The following SULT2B1 variants were observed in gnomAD, a reference collection of about 807,000 sequenced individuals.
The protein encoded by SULT2B1 is sulfotransferase 2B1.
SULT2B1 carries 16 observed loss-of-function variants against 33.2 expected under a neutral mutation model. The ratio of observed to expected loss-of-function variants is 0.48; its 90% confidence interval spans 0.33 to 0.73. SULT2B1 has a LOEUF of 0.73. Among genes scored for constraint, SULT2B1 ranks in the 30% least tolerant of loss-of-function variants. The probability of loss-of-function intolerance (pLI) is 0.02; values close to 1 mark genes in which losing one functional copy is unlikely to be tolerated. For synonymous variants in SULT2B1, 186 were observed against 200.5 expected, an observed-to-expected ratio of 0.93 and a Z score of 0.61; for missense variants, 500 against 506.0, an observed-to-expected ratio of 0.99 and a Z score of 0.11.
rs1257493879 is a variant in SULT2B1 at position 48,552,900 on chromosome 19, T to C, written c.71+577T>C. 1.3e-5 allele frequency among the ~76,000 whole-genome samples: 2 copies of C among 152,122 alleles called. No individual in the cohort carries two copies. The highest frequency in any genetic ancestry group is 2.9e-5 in the Non-Finnish European group (2 of 68,022). On this transcript the variant is annotated intron_variant, in intron 1 of 6. Coordinates refer to ENST00000201586, the MANE Select transcript of SULT2B1 (RefSeq NM_177973.2). The surrounding 1 kb of genome is among the most constrained non-coding windows in gnomAD (Gnocchi z 4.8). Reference sequence around the variant, plus strand: ...TCCATGAGCTCAGCGTGACTCCCTCTTCCTGGGGATGAGTCAGACACTTTG... The same window carrying C: ...TCCATGAGCTCAGCGTGACTCCCTCCTCCTGGGGATGAGTCAGACACTTTG...
At chr19:48,583,431 AG>A (rs1165609767) in intron 2 of SULT2B1, among the ~76,000 whole-genome samples, 3 of 152,232 alleles carry the variant, frequency 2.0e-5, no homozygotes, top group Non-Finnish European at 4.4e-5. Context: ...AATGACCAAA[AG>A]CTGAAACTAT....
chr19:48,576,698 G>A (rs1294036432), intron 2 of SULT2B1, among the ~76,000 whole-genome samples: 1 of 142,532 alleles, frequency 7.0e-6, no homozygotes. Context: ...TCAGTGTGAT[G>A]GTACAATCTC....
chr19:48,555,488 T>TTCTCTCTCTC (rs982985959), intron 1 of SULT2B1, among the ~76,000 whole-genome samples: 7 of 144,254 alleles, frequency 4.9e-5, no homozygotes, highest in African/African-American at 1.8e-4. Flanking sequence ...CAGAGACATC[T>TTCTCTCTCTC]TCTCTCTCTC....
At chr19:48,585,858 CAGTGAAA>C (rs1042343672) in intron 2 of SULT2B1, among the ~76,000 whole-genome samples, 5 of 152,060 alleles carry the variant, frequency 3.3e-5, no homozygotes, top group South Asian at 4.1e-4. Flanking sequence ...CAAAAGTGGG[CAGTGAAA>C]AGTGAAAAGA....
chr19:48,596,717 G>A, intron 5 of SULT2B1, 22 bp from the exon 6 acceptor site: 1 of 1,583,058 alleles, frequency 6.3e-7, no homozygotes, highest in Non-Finnish European at 8.5e-7. Context: ...TCCCTCCGCT[G>A]ACCCCTCTCC....
intron 6 of SULT2B1, among the ~76,000 whole-genome samples, chr19:48,598,041 T>C (rs1227865437): frequency 6.6e-6 from 1 of 152,032 alleles, no homozygotes. Flanking sequence ...CTCCAGATCT[T>C]TAGCTTAATC....
intron 3 of SULT2B1, among the ~76,000 whole-genome samples, chr19:48,589,372 G>C (rs1973613570): frequency 6.6e-6 from 1 of 152,160 alleles, no homozygotes; most frequent in African/African-American, 2.4e-5. Flanking sequence ...CCCATCCCAC[G>C]TCCAGCAGAG....
At chr19:48,570,396 C>G (rs1380107566) in intron 1 of SULT2B1, among the ~76,000 whole-genome samples, 3 of 152,116 alleles carry the variant, frequency 2.0e-5, no homozygotes, top group Non-Finnish European at 4.4e-5. Context: ...CCAGGCTGGT[C>G]TCAAACTCCT....
chr19:48,553,783 G>A (rs1334007537), intron 1 of SULT2B1, among the ~76,000 whole-genome samples: 1 of 152,226 alleles, frequency 6.6e-6, no homozygotes, highest in East Asian at 1.9e-4. Context: ...CCTGGGCTGA[G>A]AGCTGTGACC....
chr19:48,569,995 C>A (rs1973298798), intron 1 of SULT2B1, among the ~76,000 whole-genome samples: 1 of 152,000 alleles, frequency 6.6e-6, no homozygotes, highest in Non-Finnish European at 1.5e-5. Flanking sequence ...GTCCGTTTGG[C>A]CATTTGTGGA....
Position 48,575,099 on chromosome 19 carries a change from C to A in SULT2B1, c.72-842C>A, listed in dbSNP as rs1174014922. 6.5e-5 allele frequency among the ~76,000 whole-genome samples: 8 copies of A among 122,448 alleles called. 1 individual carries two copies. The South Asian group carries it at 2.1e-3, about 32-fold the overall frequency. 80.3% of individuals were successfully genotyped at this position (122,448 alleles called of 152,430 possible). A position where few individuals can be genotyped will look rare whatever the true frequency, so the allele number is the denominator to read the frequency against. Reference sequence around the variant, plus strand: ...GACTATGAGCTACTCTCTGTTTTAACCTTTTTTTTTTTTTTTTTTTTTTTT... The same window carrying A: ...GACTATGAGCTACTCTCTGTTTTAAACTTTTTTTTTTTTTTTTTTTTTTTT... On this transcript the variant is annotated intron_variant, in intron 1 of 6. Coordinates refer to ENST00000201586, the MANE Select transcript of SULT2B1 (RefSeq NM_177973.2).
chr19:48,579,781 A>G (rs1261151220), intron 2 of SULT2B1, among the ~76,000 whole-genome samples: 1 of 149,612 alleles, frequency 6.7e-6, no homozygotes, highest in East Asian at 2.0e-4. Flanking sequence ...TAATTTTTGT[A>G]TTTTTAGTAG....
In SULT2B1 at chr19:48,587,283, C is replaced by T; in HGVS notation, c.269C>T (p.Ser90Phe). 6.2e-7 allele frequency: 1 copy of T among 1,613,976 alleles called. No individual in the cohort carries two copies. The highest frequency in any genetic ancestry group is 2.2e-5 in the East Asian group (1 of 44,870). ...ICLILKEGDP[S>F]WIRSVPIWER... ...TTAATCCTGAAGGAAGGGGATCCAT[C>T]CTGGATCCGCTCCGTGCCCATCTGG... is the stretch of plus-strand genomic sequence containing the variant. The change falls in exon 3 of 7, where the codon TCC (serine) becomes TTC (phenylalanine). Residue 90 changes from serine (S) to phenylalanine (F), a missense_variant. Physicochemically the swap from Ser to Phe is radical, Grantham distance 155. Coordinates refer to ENST00000201586, the MANE Select transcript of SULT2B1 (RefSeq NM_177973.2).
At position 48,552,461 on chromosome 19, in the gene SULT2B1, G is replaced by T. The variant is rs1022539800; in HGVS notation, c.71+138G>T. 4 of 882,536 alleles carry T rather than the reference G, an allele frequency of 4.5e-6. No individual in the cohort carries two copies. In the East Asian group the frequency reaches 7.9e-5, roughly 17 times the overall value. The allele number at this position is 882,536 out of a possible 1,614,324, so 54.7% of individuals were successfully genotyped here. On this transcript the variant is annotated intron_variant, in intron 1 of 6. Coordinates refer to ENST00000201586, the MANE Select transcript of SULT2B1 (RefSeq NM_177973.2). The surrounding 1 kb of genome is among the most constrained non-coding windows in gnomAD (Gnocchi z 4.8). ...GCCCAGACTTAGCTGGAGGGGCTGG[G>T]CTGGGCTGGGGCATCCAGTGTGGTG...
chr19:48,564,073 C>T (rs1973212859), intron 1 of SULT2B1, among the ~76,000 whole-genome samples: 2 of 151,838 alleles, frequency 1.3e-5, no homozygotes. Flanking sequence ...GAATCCCCAT[C>T]TCTACTAAAA....
intron 1 of SULT2B1, among the ~76,000 whole-genome samples, chr19:48,559,252 G>T (rs941773229): frequency 2.0e-5 from 3 of 152,168 alleles, no homozygotes; most frequent in Non-Finnish European, 4.4e-5. Context: ...CTTTGGGGTG[G>T]GGGGAGGCAG....
At chr19:48,561,378 G>A (rs548403807) in intron 1 of SULT2B1, among the ~76,000 whole-genome samples, 110 of 149,882 alleles carry the variant, frequency 7.3e-4, no homozygotes, top group African/African-American at 2.3e-3. Context: ...GCAGTGAGCC[G>A]AGATCGTGCC....
intron 1 of SULT2B1, among the ~76,000 whole-genome samples, chr19:48,556,660 A>G (rs1973103220): frequency 6.6e-6 from 1 of 151,924 alleles, no homozygotes; most frequent in Non-Finnish European, 1.5e-5. Context: ...TTTAAAAAAA[A>G]AAAAAAAGTT....
chr19:48,555,485 ATCT>A (rs1361112482), intron 1 of SULT2B1, among the ~76,000 whole-genome samples: 1 of 150,128 alleles, frequency 6.7e-6, no homozygotes, highest in Non-Finnish European at 1.5e-5. Context: ...TCCCAGAGAC[ATCT>A]TCTCTCTCTC....
Sources: allele counts gnomAD v4.1 joint callset (sites outside exome capture counted in the v4.1 genomes callset), GRCh38; gene constraint gnomAD v4.1.1; non-coding constraint Gnocchi (gnomAD v3.1); transcripts MANE v1.5; gene names NCBI Gene and HGNC (gene_info 2026-07-23, HGNC 2026-07-21).